The following NF1 variants were observed in gnomAD, a reference collection of about 807,000 sequenced individuals.
NF1 encodes the protein neurofibromin.
NF1 carries 122 observed loss-of-function variants against 325.7 expected under a neutral mutation model. The ratio of observed to expected loss-of-function variants is 0.37; its 90% CI spans 0.32 to 0.44. The LOEUF (loss-of-function observed/expected upper bound fraction) is 0.44. Ranked by LOEUF, NF1 falls within the 20% of genes least tolerant of loss-of-function variation. The pLI, the probability that NF1 is intolerant of heterozygous loss-of-function variation, is 1.00. For synonymous variants in NF1, 1,091 were observed against 1,186.0 expected (o/e 0.92, Z 1.65); for missense variants, 2,140 against 3,415.4 (o/e 0.63, Z 9.31).
chr17:31,147,551 G>T (rs904273551), intron 1 of NF1, among the ~76,000 whole-genome samples: 1 of 149,030 alleles, frequency 6.7e-6, no homozygotes, highest in Non-Finnish European at 1.5e-5. Context: ...TTTCTGTTGG[G>T]TATATATCTA....
chr17:31,185,877 A>T (rs1232801236), intron 8 of NF1, among the ~76,000 whole-genome samples: 1 of 152,202 alleles, frequency 6.6e-6, no homozygotes, highest in Non-Finnish European at 1.5e-5. Flanking sequence ...GCAGGCCCCC[A>T]TAGGTAAATC....
At chr17:31,304,553 T>C (rs2068656436) in intron 36 of NF1, 1 of 1,614,206 alleles carries the variant, frequency 6.2e-7, no homozygotes, top group Non-Finnish European at 8.5e-7. Context: ...TCAGATTGGT[T>C]ACTTTCCTGT....
intron 2 of NF1, among the ~76,000 whole-genome samples, chr17:31,157,677 A>G (rs2143637129): frequency 6.6e-6 from 1 of 151,890 alleles, no homozygotes; most frequent in South Asian, 2.1e-4. Context: ...TGTTAACTGT[A>G]GGCCAGGCAT....
At position 31,376,384 on chromosome 17, in the gene NF1, C is replaced by G. The variant is rs985762598; in HGVS notation, c.*2229C>G. The G allele has an allele frequency of 4.3e-6, 1 of 232,636 alleles. No homozygotes were observed. Among genetic ancestry groups the G allele is most frequent in the African/African-American group, 2.2e-5 (1 of 45,272 alleles). The allele number at this position is 232,636 out of a possible 1,614,324, so 14.4% of individuals were successfully genotyped here. Reference sequence around the variant, plus strand: ...TTACCAAGGGTGTAGTATTTCATACCGCCTGAAATGATCAGCATTGGCACA... The same window carrying G: ...TTACCAAGGGTGTAGTATTTCATACGGCCTGAAATGATCAGCATTGGCACA... On this transcript the variant is annotated 3_prime_UTR_variant, in exon 58 of 58. Coordinates refer to ENST00000358273, the MANE Select transcript of NF1 (RefSeq NM_001042492.3).
At position 31,182,646 on chromosome 17, in the gene NF1, A is replaced by G; in HGVS notation, c.869A>G (p.Asp290Gly). 6.2e-7 allele frequency: 1 copy of G among 1,613,714 alleles called. No individual in the cohort carries two copies. The highest frequency in any genetic ancestry group is 2.2e-5 in the East Asian group (1 of 44,864). ...IIQDISKDVV[D>G]ENNMNKKLFL... ...CAGGATATATCCAAAGACGTGGTTG[A>G]TGAAAACAACATGAATAAGGTAAGG... Residue 290 changes from aspartate to glycine, a missense_variant, in exon 8 of 58, where the codon GAT (aspartate) becomes GGT (glycine). Asp to Gly is a moderately conservative substitution (Grantham distance 94). Transcript: ENST00000358273.
intron 46 of NF1, among the ~76,000 whole-genome samples, chr17:31,339,370 C>G (rs1279531626): frequency 6.6e-6 from 1 of 152,052 alleles, no homozygotes; most frequent in Non-Finnish European, 1.5e-5. Context: ...GATGGTCTGA[C>G]CTTATCCCAT....
intron 5 of NF1, among the ~76,000 whole-genome samples, chr17:31,174,984 C>T (rs1422906316): frequency 6.6e-6 from 1 of 151,756 alleles, no homozygotes; most frequent in Non-Finnish European, 1.5e-5. Flanking sequence ...TGGCGCACGC[C>T]TGTAATCCCA....
At chr17:31,147,775 C>T (rs1434280077) in intron 1 of NF1, among the ~76,000 whole-genome samples, 2 of 152,196 alleles carry the variant, frequency 1.3e-5, no homozygotes, top group Admixed American at 6.5e-5. Context: ...CTTTTGTCCT[C>T]TCGAAGCTGC....
At position 31,360,578 on chromosome 17, in the gene NF1, G is replaced by A. The variant is rs2151587925; in HGVS notation, c.8252G>A (p.Ser2751Asn). 6.2e-7 allele frequency: 1 copy of A among 1,614,090 alleles called. No homozygotes were observed. The highest frequency in any genetic ancestry group is 8.5e-7 in the Non-Finnish European group (1 of 1,180,006). Residue 2751 changes from serine (S) to asparagine (N), a missense_variant, in exon 57 of 58, where the codon AGT becomes AAT. Ser to Asn is a conservative substitution (Grantham distance 46). Coordinates refer to ENST00000358273, the MANE Select transcript of NF1 (RefSeq NM_001042492.3). Reference sequence around the variant, plus strand: ...CTGCCTGGAATTGATGAAGAAACCAGTGAAGAATCCCTCCTGACTCCCACA... The same window carrying A: ...CTGCCTGGAATTGATGAAGAAACCAATGAAGAATCCCTCCTGACTCCCACA... The part of the protein sequence containing the change: ...TYLPGIDEET[S>N]EESLLTPTSP...
In NF1 at chr17:31,321,404, C is replaced by T. The variant is rs1432307126; in HGVS notation, c.4836-4416C>T. 2.0e-5 allele frequency: 3 copies of T among 152,184 alleles called. No homozygotes were observed. In the East Asian group the frequency reaches 5.8e-4, roughly 29 times the overall value. The allele number at this position is 152,184 out of a possible 1,614,324, so 9.4% of individuals were successfully genotyped here. A position where few individuals can be genotyped will look rare whatever the true frequency, so the allele number is the denominator to read the frequency against. On this transcript the variant is annotated intron_variant, in intron 36 of 57. Transcript: ENST00000358273. ...ACAATTCTAGTTTGTTAGTGAGATT[C>T]TTACACACTTTGATAGCATTTCCTC...
rs17878332 is a variant in NF1, at chr17:31,260,527, C to T, written c.4577+12C>T. ...CTTTCCAGCAACAGGTAAGATTTCC[C>T]AGTCATGGGGATAGTGAACACTCTC... is the stretch of plus-strand genomic sequence containing the variant. On this transcript the variant is annotated intron_variant, in intron 34 of 57. Coordinates refer to ENST00000358273, the MANE Select transcript of NF1 (RefSeq NM_001042492.3). The T allele has an allele frequency of 6.0e-4, 967 of 1,613,570 alleles. 4 individuals carry two copies. In the African/African-American group the frequency reaches 0.011, roughly 19 times the overall value.
chr17:31,270,455 C>T (rs912928999), intron 36 of NF1, among the ~76,000 whole-genome samples: 1 of 152,132 alleles, frequency 6.6e-6, no homozygotes, highest in East Asian at 1.9e-4. Flanking sequence ...CGGAAGAATA[C>T]AAAAATCAGC....
At chr17:31,197,338 G>A (rs1177570569) in intron 8 of NF1, among the ~76,000 whole-genome samples, 6 of 138,026 alleles carry the variant, frequency 4.3e-5, no homozygotes, top group Middle Eastern at 3.8e-3. Context: ...GAGCCACCGC[G>A]CCTGGCTTTT....
At chr17:31,203,364 T>C (rs2143897556) in intron 11 of NF1, among the ~76,000 whole-genome samples, 1 of 152,356 alleles carries the variant, frequency 6.6e-6, no homozygotes, top group South Asian at 2.1e-4. Flanking sequence ...CAGTAACTTT[T>C]CAATGAAATA....
At chr17:31,215,950 G>A (rs1398907916) in intron 13 of NF1, among the ~76,000 whole-genome samples, 1 of 152,160 alleles carries the variant, frequency 6.6e-6, no homozygotes, top group African/African-American at 2.4e-5. Flanking sequence ...GAGGAGAGAA[G>A]AAGGAACATT....
At chr17:31,211,871 T>A (rs532521033) in intron 12 of NF1, among the ~76,000 whole-genome samples, 1 of 152,312 alleles carries the variant, frequency 6.6e-6, no homozygotes, top group African/African-American at 2.4e-5. Context: ...AGACTTAAAA[T>A]TTTTTTAAAT....
rs587781961 is a variant in NF1, at chr17:31,350,199, TGAA to T, written c.7343_7345del (p.Glu2448del). The T allele has an allele frequency of 7.4e-6, 12 of 1,614,030 alleles. No homozygotes were observed. Among genetic ancestry groups the T allele is most frequent in the Non-Finnish European group, 3.4e-6 (4 of 1,179,904 alleles). The stretch of plus-strand genomic sequence containing the variant: ...TCCTTTTAGCTTTACTTACAGTGTC[TGAA>T]GAAGTTCGAAGTCGCTGCAGCCTAA... On this transcript the variant is annotated inframe_deletion, in exon 50 of 58. Coordinates refer to ENST00000358273, the MANE Select transcript of NF1 (RefSeq NM_001042492.3).
intron 36 of NF1, chr17:31,303,951 GA>G (rs917757974): frequency 3.8e-5 from 7 of 184,778 alleles, no homozygotes; most frequent in East Asian, 1.4e-4. Context: ...CTTTTCAGGG[GA>G]AAAAAAACTG....
At chr17:31,287,988 G>A (rs1020530537) in intron 36 of NF1, among the ~76,000 whole-genome samples, 4 of 150,530 alleles carry the variant, frequency 2.7e-5, no homozygotes, top group African/African-American at 4.9e-5. Context: ...GCTAGATGAC[G>A]AGTTAGTGGG....
Sources: gnomAD v4.1 joint callset for allele counts (sites outside exome capture counted in the v4.1 genomes callset) on GRCh38, gnomAD v4.1.1 for gene constraint, MANE v1.5 for transcripts, NCBI Gene and HGNC (gene_info 2026-07-23, HGNC 2026-07-21) for gene names.